The following QSER1 variants were observed in gnomAD, a reference collection of about 807,000 sequenced individuals.
QSER1 encodes the protein glutamine and serine rich 1.
Under a neutral mutation model 158.5 loss-of-function variants are expected in QSER1, and 49 were observed. That is an observed-to-expected ratio of 0.31 (90% CI 0.25 to 0.39). The LOEUF is 0.39. Among genes scored for constraint, QSER1 ranks in the 10% least tolerant of loss-of-function variants. The pLI is 1.00. For missense variants in QSER1, 1,754 were observed against 2,010.3 expected (o/e 0.87, Z 2.44); for synonymous variants, 650 against 715.5 (o/e 0.91, Z 1.46).
chr11:32,941,450 C>A (rs1422738032), intron 4 of QSER1, among the ~76,000 whole-genome samples: 1 of 140,544 alleles, frequency 7.1e-6, no homozygotes, highest in African/African-American at 2.6e-5. Flanking sequence ...TCTCACTGTT[C>A]AGTTCCCACC....
chr11:32,915,568 T>C (rs565696277), intron 1 of QSER1, among the ~76,000 whole-genome samples: 1 of 152,328 alleles, frequency 6.6e-6, no homozygotes, highest in Admixed American at 6.5e-5. Flanking sequence ...AAGACGAGTC[T>C]ATACTGGTCC....
At chr11:32,949,574 T>C (rs1852388832) in intron 4 of QSER1, among the ~76,000 whole-genome samples, 1 of 152,156 alleles carries the variant, frequency 6.6e-6, no homozygotes, top group Non-Finnish European at 1.5e-5. Context: ...AACTATGCAA[T>C]TGTATAATGT....
At chr11:32,948,782 T>C (rs1203920942) in intron 4 of QSER1, among the ~76,000 whole-genome samples, 1 of 152,170 alleles carries the variant, frequency 6.6e-6, no homozygotes, top group Non-Finnish European at 1.5e-5. Context: ...TTCAAACATA[T>C]ACAAAAGTAC....
At chr11:32,973,730 A>G (rs1318112274) in intron 11 of QSER1, among the ~76,000 whole-genome samples, 181 bp downstream of exon 11, 1 of 152,226 alleles carries the variant, frequency 6.6e-6, no homozygotes, top group Non-Finnish European at 1.5e-5. Flanking sequence ...TTGTTTTTCT[A>G]TAGCACAGTA....
Position 32,932,358 on chromosome 11 carries a change from T to C in QSER1, c.1100T>C (p.Ile367Thr), listed in dbSNP as rs186308329. The change falls in exon 4 of 13, where the codon ATT becomes ACT. Residue 367 changes from isoleucine (I) to threonine (T), a missense_variant. Ile to Thr is a moderately conservative substitution (Grantham distance 89). Around this residue, in one of 2 missense-constraint regions of QSER1, gnomAD observed 1,707 missense variants for 1,919.6 expected, o/e 0.89. Coordinates refer to ENST00000650167, the MANE Select transcript of QSER1 (RefSeq NM_001076786.3). Reference sequence around the variant, plus strand: ...CAGTCATCTTTATCCTGTAGCCCAATTGGAGATTCCACTCAGGTGAGCAAC... The same window carrying C: ...CAGTCATCTTTATCCTGTAGCCCAACTGGAGATTCCACTCAGGTGAGCAAC... ...TRQSSLSCSP[I>T]GDSTQVSNGG... is the part of the protein sequence containing the mutation. 1.4e-4 allele frequency: 229 copies of C among 1,612,434 alleles called. 1 individual carries two copies. The East Asian group carries it at 2.1e-3, about 15-fold the overall frequency.
At chr11:32,966,780 G>A (rs1018222856) in intron 9 of QSER1, among the ~76,000 whole-genome samples, 1 of 152,132 alleles carries the variant, frequency 6.6e-6, no homozygotes, top group African/African-American at 2.4e-5. Context: ...TTGGAAAGAT[G>A]AACCAGATAA....
In QSER1 at chr11:32,965,134, A is replaced by G. The variant is rs376671719; in HGVS notation, c.4970-1166A>G. Among the ~76,000 whole-genome samples, 8 of 152,176 alleles carry G rather than the reference A, an allele frequency of 5.3e-5. No individual in the cohort carries two copies. The South Asian group carries it at 1.7e-3, about 32-fold the overall frequency. ...CTTTTTTTCTTTTTCTTTATGAGAC[A>G]GGGTCTTTACTCTGTTTCCCATGCT... On this transcript the variant is annotated intron_variant, in intron 8 of 12. Coordinates refer to ENST00000650167, the MANE Select transcript of QSER1 (RefSeq NM_001076786.3).
chr11:32,974,791 A>G (rs1026460281), intron 11 of QSER1, among the ~76,000 whole-genome samples: 2 of 152,226 alleles, frequency 1.3e-5, no homozygotes, highest in Non-Finnish European at 2.9e-5. Context: ...AGTTAGGTCA[A>G]AAAACACGTT....
intron 1 of QSER1, among the ~76,000 whole-genome samples, chr11:32,915,422 G>T (rs1851819093): frequency 6.6e-6 from 1 of 152,066 alleles, no homozygotes; most frequent in South Asian, 2.1e-4. Flanking sequence ...TTTAGCTGAG[G>T]TAATACTTGG....
chr11:32,895,914 A>G (rs1851548279), intron 1 of QSER1, among the ~76,000 whole-genome samples: 1 of 152,240 alleles, frequency 6.6e-6, no homozygotes. Context: ...AACAGTGGAA[A>G]AATAGAGTGG....
At chr11:32,908,917 T>C (rs1333053823) in intron 1 of QSER1, among the ~76,000 whole-genome samples, 1 of 152,196 alleles carries the variant, frequency 6.6e-6, no homozygotes, top group Admixed American at 6.5e-5. Flanking sequence ...CCCAGCACTT[T>C]GGGAGTTTGA....
At chr11:32,973,065 T>G (rs1410561987) in intron 10 of QSER1, among the ~76,000 whole-genome samples, 1 of 152,240 alleles carries the variant, frequency 6.6e-6, no homozygotes, top group Non-Finnish European at 1.5e-5. Flanking sequence ...CTCTTGGCCC[T>G]GTTAAGGGTT....
Position 32,928,091 on chromosome 11 carries a change from T to G in QSER1, c.452T>G (p.Leu151Ter). ...GCTGCTGCTTCAGGAACTACTCTCT[T>G]ACCACAATTCAGGGCTCCATCCTGG... ...AQAAASGTTL[L>*]PQFRAPSWQT... The change falls in exon 3 of 13, where the codon TTA becomes TGA. Residue 151 changes from leucine to a stop codon, truncating the protein, a stop_gained. Transcript: ENST00000650167. LOFTEE classifies it high-confidence loss of function. The G allele has an allele frequency of 6.2e-7, 1 of 1,613,708 alleles. No individual in the cohort carries two copies. The highest frequency in any genetic ancestry group is 8.5e-7 in the Non-Finnish European group (1 of 1,179,636).
Position 32,932,259 on chromosome 11 carries a change from T to C in QSER1, c.1001T>C (p.Leu334Pro). The change falls in exon 4 of 13, where the codon CTG becomes CCG. Residue 334 changes from leucine to proline, a missense_variant. This residue lies in a region of QSER1 where 1,707 missense variants were observed against 1,919.6 expected (regional missense o/e 0.89). Transcript: ENST00000650167. ...GGTACCCAGTCAATTCAGGCACAAC[T>C]GACTGGTTCACAGCACTCCTTACAT... ...PSGTQSIQAQ[L>P]TGSQHSLHSY... 1 of 1,614,104 alleles carries C rather than the reference T, an allele frequency of 6.2e-7. No individual in the cohort carries two copies. The highest frequency in any genetic ancestry group is 2.2e-5 in the East Asian group (1 of 44,882).
chr11:32,931,590 T>G (rs1243378640), intron 3 of QSER1, among the ~76,000 whole-genome samples, 153 bp from the exon 4 acceptor site: 1 of 152,054 alleles, frequency 6.6e-6, no homozygotes, highest in Non-Finnish European at 1.5e-5. Flanking sequence ...TATTTTGAAA[T>G]GTAATTTTCA....
At chr11:32,945,321 C>T (rs1852311468) in intron 4 of QSER1, among the ~76,000 whole-genome samples, 1 of 151,872 alleles carries the variant, frequency 6.6e-6, no homozygotes, top group African/African-American at 2.4e-5. Flanking sequence ...GATTCAGTTT[C>T]TTCCCAGTCT....
chr11:32,927,560 A>G (rs1851989302), intron 2 of QSER1, among the ~76,000 whole-genome samples: 1 of 152,068 alleles, frequency 6.6e-6, no homozygotes. Flanking sequence ...GGCACCTGCC[A>G]CCATGCCCGG....
intron 4 of QSER1, among the ~76,000 whole-genome samples, chr11:32,939,564 A>C (rs1336374413): frequency 6.6e-6 from 1 of 152,126 alleles, no homozygotes; most frequent in Non-Finnish European, 1.5e-5. Flanking sequence ...GGTTCTATTA[A>C]CATCCTCTGA....
intron 1 of QSER1, among the ~76,000 whole-genome samples, chr11:32,904,661 T>C (rs907111429): frequency 6.7e-6 from 1 of 149,692 alleles, no homozygotes; most frequent in African/African-American, 2.5e-5. Flanking sequence ...TGAAACACAG[T>C]TTTTTCACTG....
Sources: gnomAD v4.1 joint callset for allele counts (sites outside exome capture counted in the v4.1 genomes callset) on GRCh38, gnomAD v4.1.1 for gene constraint, gnomAD v4.1.1 regional missense constraint, MANE v1.5 for transcripts, NCBI Gene and HGNC (gene_info 2026-07-23, HGNC 2026-07-21) for gene names.